Variants in KIAA1549 observed in about 807,000 individuals in gnomAD.
KIAA1549 encodes the protein KIAA1549, also known as UPF0606 protein KIAA1549.
A neutral mutation model predicts 156.4 loss-of-function variants in KIAA1549; 70 were observed. That is an observed-to-expected ratio of 0.45 (90% CI 0.37 to 0.55). KIAA1549 has a LOEUF of 0.55. KIAA1549 is among the 20% of genes least tolerant of loss of function. The pLI, the probability that KIAA1549 is intolerant of heterozygous loss-of-function variation, is 0.00. For synonymous variants in KIAA1549, 1,103 were observed against 1,066.4 expected (o/e 1.03, Z -0.67); for missense variants, 2,428 against 2,540.9 (o/e 0.96, Z 0.96).
intron 1 of KIAA1549, among the ~76,000 whole-genome samples, chr7:138,931,773 A>AAT (rs1812880512): frequency 6.8e-6 from 1 of 147,138 alleles, no homozygotes; most frequent in African/African-American, 2.6e-5. Context: ...AAAAAAAAAA[A>AAT]GAAGGTCTTG....
At position 138,919,359 on chromosome 7, in the gene KIAA1549, A is replaced by G. The variant is rs756151729; in HGVS notation, c.267T>C (p.Ala89=). 1.2e-6 allele frequency: 2 copies of G among 1,613,938 alleles called. No homozygotes were observed. Among genetic ancestry groups the G allele is most frequent in the East Asian group, 2.2e-5 (1 of 44,896 alleles). The change falls in exon 2 of 20, where the codon GCT becomes GCC. Residue 89 remains alanine (A), a synonymous_variant. Transcript: ENST00000422774. ...CAGTTTCTGTTAAGGCCACTTGTGCAGCGCTGTGCCCAGTGCTTTTCTTCA... is the reference window on the plus strand; with the variant it reads ...CAGTTTCTGTTAAGGCCACTTGTGCGGCGCTGTGCCCAGTGCTTTTCTTCA... The part of the protein sequence containing the change: ...LVLKKSTGHS[A]AQVALTETAP...
At chr7:138,896,982 C>G (rs1456443202) in intron 9 of KIAA1549, among the ~76,000 whole-genome samples, 2 of 152,140 alleles carry the variant, frequency 1.3e-5, no homozygotes, top group Non-Finnish European at 2.9e-5. Context: ...CTGGGGCTGC[C>G]TTTGGGCTAT....
intron 1 of KIAA1549, among the ~76,000 whole-genome samples, chr7:138,932,360 G>A (rs1271365473): frequency 6.6e-6 from 1 of 151,928 alleles, no homozygotes; most frequent in Non-Finnish European, 1.5e-5. Context: ...GCAGCCCACT[G>A]GAGAACACAG....
rs575398692 is a variant in KIAA1549 at position 138,955,702 on chromosome 7, T to C, written c.187+25381A>G. 2.0e-5 allele frequency among the ~76,000 whole-genome samples: 3 copies of C among 152,312 alleles called. No individual in the cohort carries two copies. In the South Asian group the frequency reaches 6.2e-4, roughly 32 times the overall value. ...TACATATTTTGAAACACTAGGAAGA[T>C]GCATATCAAACTGTTTATATAATAG... is the stretch of plus-strand genomic sequence containing the variant. On this transcript the variant is annotated intron_variant, in intron 1 of 19. Coordinates refer to ENST00000422774, the MANE Select transcript of KIAA1549 (RefSeq NM_001164665.2).
At chr7:138,950,092 A>G (rs1044832578) in intron 1 of KIAA1549, among the ~76,000 whole-genome samples, 1 of 152,196 alleles carries the variant, frequency 6.6e-6, no homozygotes, top group Admixed American at 6.5e-5. Context: ...TTAATATTTC[A>G]GCTGGGGATG....
At position 138,868,004 on chromosome 7, in the gene KIAA1549, C is replaced by G. The variant is rs750742481; in HGVS notation, c.4900G>C (p.Val1634Leu). 6.2e-7 allele frequency: 1 copy of G among 1,613,916 alleles called. No individual in the cohort carries two copies. Among genetic ancestry groups the G allele is most frequent in the Non-Finnish European group, 8.5e-7 (1 of 1,179,852 alleles). ...SDGTYRRPPG[V>L]HNSAYIGCPS... ...CATCCGATGTAGGCTGAGTTGTGGA[C>G]GCCGGGGGGCCTCCTGTAGGTGCCA... Residue 1634 changes from valine (V) to leucine (L), a missense_variant, in exon 15 of 20, where the codon GTC becomes CTC. Physicochemically the swap from Val to Leu is conservative, Grantham distance 32 (BLOSUM62 1). Around this residue, in one of 5 missense-constraint regions of KIAA1549, gnomAD observed 404 missense variants for 417.0 expected, o/e 0.97. Transcript: ENST00000422774.
chr7:138,867,333 T>G (rs1203144747), intron 15 of KIAA1549, among the ~76,000 whole-genome samples: 1 of 151,958 alleles, frequency 6.6e-6, no homozygotes, highest in Non-Finnish European at 1.5e-5. Flanking sequence ...GGCGGGAGGA[T>G]CACTTGAGGT....
rs548281270 is a variant in KIAA1549 at position 138,875,263 on chromosome 7, A to G, written c.4346-3901T>C. On this transcript the variant is annotated intron_variant, in intron 12 of 19. Coordinates refer to ENST00000422774, the MANE Select transcript of KIAA1549 (RefSeq NM_001164665.2). ...TGCAAGTATTATGTATCAACTAAAAATAATAAAAGCAAAAAACACATCATG... is the reference window on the plus strand; with the variant it reads ...TGCAAGTATTATGTATCAACTAAAAGTAATAAAAGCAAAAAACACATCATG... 8.5e-5 allele frequency among the ~76,000 whole-genome samples: 13 copies of G among 152,302 alleles called. No homozygotes were observed. The South Asian group carries it at 2.7e-3, about 32-fold the overall frequency.
chr7:138,918,785 G>A lies in KIAA1549; in HGVS notation c.841C>T (p.Leu281Phe), dbSNP rs760438539. 3 of 1,613,944 alleles carry A rather than the reference G, an allele frequency of 1.9e-6. No individual in the cohort carries two copies. The East Asian group carries it at 6.7e-5, about 36-fold the overall frequency. Residue 281 changes from leucine to phenylalanine, a missense_variant, in exon 2 of 20, where the codon CTT (leucine) becomes TTT (phenylalanine). Coordinates refer to ENST00000422774, the MANE Select transcript of KIAA1549 (RefSeq NM_001164665.2). The surrounding 1 kb of genome is among the most constrained non-coding windows in gnomAD (Gnocchi z 4.2). ...ATTAAAGACCGGGAGCTTAAAAAAA[G>A]GGTGGTTTCCACACCCTCTGTTAGG... ...ASLTEGVETTLFLSSRSLMPQ... is the reference protein window; with the variant it reads ...ASLTEGVETTFFLSSRSLMPQ...
At chr7:138,903,864 C>CACGT (rs1554418679) in intron 7 of KIAA1549, 128 bp from the exon 8 acceptor site, 1 of 627,226 alleles carries the variant, frequency 1.6e-6, no homozygotes, top group African/African-American at 2.1e-5. Context: ...CGCGCGCGCG[C>CACGT]GCGCGCACAT....
rs748407729 is a variant in KIAA1549, at chr7:138,868,040, T to C, written c.4864A>G (p.Thr1622Ala). Residue 1622 changes from threonine to alanine, a missense_variant, in exon 15 of 20, where the codon ACA (threonine) becomes GCA (alanine). By Grantham distance (58) the Thr-to-Ala change is moderately conservative. Around this residue, in one of 5 missense-constraint regions of KIAA1549, gnomAD observed 404 missense variants for 417.0 expected, o/e 0.97. Transcript: ENST00000422774. ...ADAEKDRLIT[T>A]DSDGTYRRPP... ...CTCCTGTAGGTGCCATCGCTGTCTG[T>C]GGTGATGAGCCGGTCCTTCTCAGCG... 1.2e-6 allele frequency: 2 copies of C among 1,613,958 alleles called. No homozygotes were observed. The highest frequency in any genetic ancestry group is 1.1e-5 in the South Asian group (1 of 91,052).
At chr7:138,901,939 G>A (rs1448459320) in intron 8 of KIAA1549, among the ~76,000 whole-genome samples, 2 of 144,962 alleles carry the variant, frequency 1.4e-5, no homozygotes, top group African/African-American at 2.6e-5. Context: ...TACTAAGAGA[G>A]CTTGCATGTC....
rs1444781954 is a variant in KIAA1549 at position 138,904,001 on chromosome 7, TCA to T, written c.3521-267_3521-266del. 2.0e-5 allele frequency among the ~76,000 whole-genome samples: 3 copies of T among 152,314 alleles called. 1 individual carries two copies. The highest frequency in any genetic ancestry group is 7.2e-5 in the African/African-American group (3 of 41,578). ...TGCAGCCCACAAGAGCTCCAAGCTC[TCA>T]GTGTTACCCAGACTGGCGGCCAGAA... On this transcript the variant is annotated intron_variant, in intron 7 of 19. Coordinates refer to ENST00000422774, the MANE Select transcript of KIAA1549 (RefSeq NM_001164665.2).
chr7:138,969,054 T>A (rs1814133121), intron 1 of KIAA1549, among the ~76,000 whole-genome samples: 1 of 152,074 alleles, frequency 6.6e-6, no homozygotes, highest in South Asian at 2.1e-4. Flanking sequence ...TACCCAATAG[T>A]TATCTTTTCT....
At chr7:138,882,158 A>C (rs530903075) in intron 10 of KIAA1549, among the ~76,000 whole-genome samples, 2 of 152,368 alleles carry the variant, frequency 1.3e-5, no homozygotes, top group East Asian at 3.9e-4. Context: ...AGATTTCTAA[A>C]ATACAAGCAC....
intron 1 of KIAA1549, among the ~76,000 whole-genome samples, chr7:138,975,244 A>G (rs961968947): frequency 6.6e-6 from 1 of 152,208 alleles, no homozygotes; most frequent in African/African-American, 2.4e-5. Context: ...AGAAAGAGAC[A>G]AAGAGAAAGA....
chr7:138,872,744 AT>A (rs960272759), intron 12 of KIAA1549, among the ~76,000 whole-genome samples: 4 of 152,138 alleles, frequency 2.6e-5, no homozygotes, highest in South Asian at 2.1e-4. Flanking sequence ...TGTCTCTACA[AT>A]TTTTTTTAAT....
chr7:138,846,667 A>T (rs1810085445), intron 17 of KIAA1549, among the ~76,000 whole-genome samples: 1 of 151,998 alleles, frequency 6.6e-6, no homozygotes. Context: ...AGTTGTTTTG[A>T]TCTCACAGAC....
chr7:138,955,397 C>T (rs1179570808), intron 1 of KIAA1549, among the ~76,000 whole-genome samples: 1 of 152,002 alleles, frequency 6.6e-6, no homozygotes, highest in Non-Finnish European at 1.5e-5. Context: ...TAGATGATTC[C>T]ATTTACAGGA....
Sources: gnomAD v4.1 joint callset for allele counts (sites outside exome capture counted in the v4.1 genomes callset) on GRCh38, gnomAD v4.1.1 for gene constraint, gnomAD v4.1.1 regional missense constraint, Gnocchi (gnomAD v3.1) non-coding constraint, MANE v1.5 for transcripts, NCBI Gene and HGNC (gene_info 2026-07-23, HGNC 2026-07-21) for gene names.